The following CNTNAP4 variants were observed in gnomAD, a reference collection of about 807,000 sequenced individuals.
CNTNAP4 encodes contactin-associated protein-like 4.
Under a neutral mutation model 148.4 loss-of-function variants are expected in CNTNAP4, and 98 were observed. The observed-to-expected ratio is 0.66, with a 90% CI of 0.56 to 0.78. CNTNAP4 has a LOEUF of 0.78. Ranked by LOEUF, CNTNAP4 falls within the 30% of genes least tolerant of loss-of-function variation. CNTNAP4 has a pLI of 0.00. For missense variants in CNTNAP4, 1,935 were observed against 1,565.6 expected (o/e 1.24, Z -3.98); for synonymous variants, 730 against 565.1 (o/e 1.29, Z -4.14).
At chr16:76,556,229 C>G (rs2085193552) in intron 23 of CNTNAP4, among the ~76,000 whole-genome samples, 1 of 151,958 alleles carries the variant, frequency 6.6e-6, no homozygotes, top group East Asian at 1.9e-4. Context: ...GCCAGGCTAC[C>G]CAGATACAGA....
intron 12 of CNTNAP4, among the ~76,000 whole-genome samples, chr16:76,484,670 G>A (rs1319699850): frequency 6.6e-6 from 1 of 152,158 alleles, no homozygotes; most frequent in Non-Finnish European, 1.5e-5. Flanking sequence ...GGGAGGTTAA[G>A]TGTAGCAGGG....
chr16:76,330,041 CA>C (rs1963367535), intron 2 of CNTNAP4, among the ~76,000 whole-genome samples: 2 of 152,178 alleles, frequency 1.3e-5, no homozygotes, highest in Non-Finnish European at 2.9e-5. Context: ...CACATCTCAA[CA>C]ATCTTCTTTC....
chr16:76,460,770 AAAAAT>A (rs2080920152), intron 8 of CNTNAP4, among the ~76,000 whole-genome samples: 1 of 75,308 alleles, frequency 1.3e-5, no homozygotes, highest in African/African-American at 4.0e-5. Flanking sequence ...AAAAAAAAAA[AAAAAT>A]ATATATATAT....
intron 3 of CNTNAP4, among the ~76,000 whole-genome samples, chr16:76,383,297 G>C (rs1259099738): frequency 4.7e-5 from 7 of 150,180 alleles, no homozygotes; most frequent in Non-Finnish European, 4.4e-5. Context: ...CATTGAAACA[G>C]AGACAACAAG....
chr16:76,370,429 G>T (rs748583570), intron 3 of CNTNAP4, among the ~76,000 whole-genome samples: 32 of 152,262 alleles, frequency 2.1e-4, no homozygotes, highest in Non-Finnish European at 3.8e-4. Context: ...TCTTTTGGGG[G>T]CTGGAGCCTT....
chr16:76,490,975 G>A (rs978653181), intron 13 of CNTNAP4, among the ~76,000 whole-genome samples: 13 of 152,010 alleles, frequency 8.6e-5, no homozygotes, highest in Admixed American at 2.6e-4. Flanking sequence ...AATTTGTTTC[G>A]TATAGAAATA....
chr16:76,419,960 G>C (rs556558613), intron 3 of CNTNAP4, among the ~76,000 whole-genome samples: 1 of 151,968 alleles, frequency 6.6e-6, no homozygotes, highest in Non-Finnish European at 1.5e-5. Context: ...ACCTCCCAAA[G>C]ACCTCATTTC....
chr16:76,396,365 G>A (rs1177198244), intron 3 of CNTNAP4, among the ~76,000 whole-genome samples: 1 of 152,172 alleles, frequency 6.6e-6, no homozygotes, highest in Non-Finnish European at 1.5e-5. Flanking sequence ...ACTACCCGGT[G>A]CAAGGGACAG....
intron 14 of CNTNAP4, among the ~76,000 whole-genome samples, chr16:76,497,192 C>A (rs2082427328): frequency 6.6e-6 from 1 of 152,172 alleles, no homozygotes; most frequent in South Asian, 2.1e-4. Flanking sequence ...TCACTGTTTA[C>A]TTTTATTATA....
chr16:76,290,334 C>T (rs1019943369), intron 1 of CNTNAP4, among the ~76,000 whole-genome samples: 1 of 152,182 alleles, frequency 6.6e-6, no homozygotes, highest in Non-Finnish European at 1.5e-5. Flanking sequence ...CACACATGCT[C>T]ATTCTCAAGG....
chr16:76,548,428 G>T (rs1315033298), intron 21 of CNTNAP4, among the ~76,000 whole-genome samples: 5 of 147,064 alleles, frequency 3.4e-5, no homozygotes, highest in Non-Finnish European at 7.4e-5. Flanking sequence ...TTATTTTTTT[G>T]CTTACGCCTC....
At chr16:76,359,659 G>A (rs1597313110) in intron 3 of CNTNAP4, among the ~76,000 whole-genome samples, 1 of 152,004 alleles carries the variant, frequency 6.6e-6, no homozygotes, top group Non-Finnish European at 1.5e-5. Flanking sequence ...AATTTATAGT[G>A]CAATGTTCAT....
At position 76,538,141 on chromosome 16, in the gene CNTNAP4, C is replaced by G; in HGVS notation, c.3021C>G (p.Gly1007=). 1.3e-6 allele frequency: 2 copies of G among 1,539,458 alleles called. No homozygotes were observed. The highest frequency in any genetic ancestry group is 1.7e-6 in the Non-Finnish European group (2 of 1,144,438). The change falls in exon 19 of 24, where the codon GGC becomes GGG. Residue 1007 remains glycine (G), a synonymous_variant. Coordinates refer to ENST00000611870, the MANE Select transcript of CNTNAP4 (RefSeq NM_033401.5). ...SNEISAYFGS[G]SSVIYNFQEN... ...AGATTTCTGCATATTTTGGATCTGG[C>G]TCATCCGTGATATACAATTTTCAAG...
intron 1 of CNTNAP4, among the ~76,000 whole-genome samples, chr16:76,292,671 G>A (rs1330430023): frequency 6.6e-6 from 1 of 152,016 alleles, no homozygotes; most frequent in Non-Finnish European, 1.5e-5. Context: ...ATTTCCTTCT[G>A]GCATCATAGA....
intron 2 of CNTNAP4, among the ~76,000 whole-genome samples, chr16:76,317,884 A>T (rs1961970408): frequency 6.6e-6 from 1 of 152,230 alleles, no homozygotes; most frequent in Non-Finnish European, 1.5e-5. Context: ...GTGCTTCTGA[A>T]TGTGAAGGTA....
At chr16:76,515,837 G>T (rs1171414135) in intron 15 of CNTNAP4, among the ~76,000 whole-genome samples, 1 of 152,100 alleles carries the variant, frequency 6.6e-6, no homozygotes, top group Non-Finnish European at 1.5e-5. Context: ...ATACTGGTCA[G>T]TATATTGAGA....
intron 21 of CNTNAP4, among the ~76,000 whole-genome samples, chr16:76,552,156 G>A (rs2084977643): frequency 6.6e-6 from 1 of 152,184 alleles, no homozygotes; most frequent in Admixed American, 6.5e-5. Flanking sequence ...GAAGAAGGAT[G>A]AACTTCCAAA....
At chr16:76,519,080 C>G (rs907603761) in intron 15 of CNTNAP4, among the ~76,000 whole-genome samples, 4 of 152,166 alleles carry the variant, frequency 2.6e-5, no homozygotes, top group African/African-American at 9.7e-5. Context: ...TGGGATACCA[C>G]ATGCCATTAA....
intron 21 of CNTNAP4, among the ~76,000 whole-genome samples, chr16:76,549,260 G>A (rs1037626236): frequency 6.6e-6 from 1 of 152,122 alleles, no homozygotes; most frequent in Non-Finnish European, 1.5e-5. Context: ...AAGTATTAAT[G>A]TGCCCATTTT....
Sources: allele counts gnomAD v4.1 joint callset (sites outside exome capture counted in the v4.1 genomes callset), GRCh38; gene constraint gnomAD v4.1.1; transcripts MANE v1.5; gene names NCBI Gene and HGNC (gene_info 2026-07-23, HGNC 2026-07-21).